The following VDAC1 variants were observed in gnomAD, a reference collection of about 807,000 sequenced individuals.
VDAC1 encodes the protein non-selective voltage-gated ion channel VDAC1.
A neutral mutation model predicts 34.7 loss-of-function variants in VDAC1; 10 were observed. The ratio of observed to expected loss-of-function variants is 0.29; its 90% confidence interval spans 0.18 to 0.49. The LOEUF (loss-of-function observed/expected upper bound fraction) is 0.49, where lower values mean the gene tolerates loss of function less well. Ranked by LOEUF, VDAC1 falls within the 20% of genes least tolerant of loss-of-function variation. VDAC1 has a pLI of 0.99. For synonymous variants in VDAC1, 130 were observed against 136.0 expected (o/e 0.96, Z 0.30); for missense variants, 230 against 347.9 (o/e 0.66, Z 2.69).
At chr5:133,989,491 C>T (rs1011316886) in intron 5 of VDAC1, among the ~76,000 whole-genome samples, 2 of 151,856 alleles carry the variant, frequency 1.3e-5, no homozygotes, top group Non-Finnish European at 2.9e-5. Flanking sequence ...TCCCAAGTAT[C>T]TGGGACTACA....
chr5:134,024,576 C>G, the VDAC1 span, among the ~76,000 whole-genome samples: 1 of 149,190 alleles, frequency 6.7e-6, no homozygotes, highest in African/African-American at 2.5e-5. Flanking sequence ...CTCCCAACCA[C>G]TTCTCTCATC....
the VDAC1 span, among the ~76,000 whole-genome samples, chr5:134,040,445 C>G: frequency 6.6e-6 from 1 of 152,092 alleles, no homozygotes; most frequent in Non-Finnish European, 1.5e-5. Flanking sequence ...TGTGGTGGCA[C>G]GTGCCTGTAG....
Position 133,991,035 on chromosome 5 carries a change from A to G in VDAC1, c.237T>C (p.Asn79=), listed in dbSNP as rs770095935. Residue 79 remains asparagine, a synonymous_variant, in exon 4 of 9, where the codon AAT becomes AAC. Transcript: ENST00000265333. The part of the protein sequence containing the change: ...LTFTEKWNTD[N]TLGTEITVED... Reference sequence around the variant, plus strand: ...CCACAGTAATCTCGGTGCCTAGTGTATTGTCGGTATTCCATTTCTCTGTAA... The same window carrying G: ...CCACAGTAATCTCGGTGCCTAGTGTGTTGTCGGTATTCCATTTCTCTGTAA... 3.7e-6 allele frequency: 6 copies of G among 1,614,168 alleles called. No individual in the cohort carries two copies. The South Asian group carries it at 6.6e-5, about 18-fold the overall frequency.
the VDAC1 span, among the ~76,000 whole-genome samples, chr5:134,040,527 A>G: frequency 1.3e-5 from 2 of 151,750 alleles, no homozygotes; most frequent in Non-Finnish European, 2.9e-5. Context: ...GTGAGCCGAG[A>G]CCACGCCATT....
At chr5:134,021,557 TAA>T in the VDAC1 span, among the ~76,000 whole-genome samples, 10 of 142,374 alleles carry the variant, frequency 7.0e-5, no homozygotes, top group Admixed American at 2.1e-4. Flanking sequence ...GACCTTGTCT[TAA>T]AAAAAAAAAA....
the VDAC1 span, among the ~76,000 whole-genome samples, chr5:134,065,699 T>C: frequency 1.3e-5 from 2 of 152,056 alleles, no homozygotes; most frequent in Non-Finnish European, 2.9e-5. Context: ...GTCAGTATGA[T>C]AGCTATTCTT....
chr5:134,086,055 G>A, the VDAC1 span, among the ~76,000 whole-genome samples: 12 of 152,162 alleles, frequency 7.9e-5, no homozygotes, highest in Admixed American at 4.6e-4. Context: ...ATGTAGCCGG[G>A]TGTGATGGCG....
intron 3 of VDAC1, 31 bp downstream of exon 3, chr5:133,992,275 A>T: frequency 7.2e-7 from 1 of 1,395,928 alleles, no homozygotes; most frequent in Non-Finnish European, 9.4e-7. Flanking sequence ...ATAAATAAAT[A>T]CTCATGTTCC....
chr5:133,979,424 C>CTTTTTTTTTTTTTT (rs71581380), intron 6 of VDAC1, among the ~76,000 whole-genome samples: 9 of 80,992 alleles, frequency 1.1e-4, no homozygotes, highest in African/African-American at 1.5e-4. Context: ...ATTTTCTTTG[C>CTTTTTTTTTTTTTT]TTTTTTTTTT....
chr5:134,058,904 C>T, the VDAC1 span, among the ~76,000 whole-genome samples: 9 of 152,230 alleles, frequency 5.9e-5, no homozygotes, highest in Non-Finnish European at 1.2e-4. Flanking sequence ...TTGCCCTCTC[C>T]CCAGGAGCTG....
chr5:134,066,353 T>C, the VDAC1 span, among the ~76,000 whole-genome samples: 1 of 152,228 alleles, frequency 6.6e-6, no homozygotes, highest in Non-Finnish European at 1.5e-5. Context: ...TATTCAACTC[T>C]GGTAGTAAGG....
At chr5:134,084,829 T>C in the VDAC1 span, among the ~76,000 whole-genome samples, 1 of 152,242 alleles carries the variant, frequency 6.6e-6, no homozygotes, top group Non-Finnish European at 1.5e-5. Context: ...CTGTCACGCC[T>C]GGCAGAGACC....
Position 133,988,772 on chromosome 5 carries a change from CA to C in VDAC1, c.323+2082del, listed in dbSNP as rs35793271. On this transcript the variant is annotated intron_variant, in intron 5 of 8. Coordinates refer to ENST00000265333, the MANE Select transcript of VDAC1 (RefSeq NM_003374.3). ...GAGCAAGACTCCGTCCCCCTCAACC[CA>C]AAAAAAAAAAAAACCAAAAAACTTT... 1,159 of 128,130 alleles carry C rather than the reference CA, an allele frequency of 9.0e-3. 13 individuals carry two copies. The highest frequency in any genetic ancestry group is 0.025 in the African/African-American group (872 of 35,056). The allele number at this position is 128,130 out of a possible 1,614,324, so 7.9% of individuals were successfully genotyped here.
intron 3 of VDAC1, 79 bp downstream of exon 3, chr5:133,992,227 A>C: frequency 5.6e-6 from 6 of 1,075,370 alleles, no homozygotes; most frequent in Non-Finnish European, 4.8e-6. Context: ...CAAGAGCAAA[A>C]CTCCATCTCA....
At chr5:134,034,717 C>G in the VDAC1 span, among the ~76,000 whole-genome samples, 45 of 152,184 alleles carry the variant, frequency 3.0e-4, 1 homozygote, top group Admixed American at 2.6e-4. Flanking sequence ...AAGGTGCATG[C>G]TGGGACCGAG....
At chr5:134,072,269 C>CAG in the VDAC1 span, among the ~76,000 whole-genome samples, 1 of 152,048 alleles carries the variant, frequency 6.6e-6, no homozygotes, top group South Asian at 2.1e-4. Context: ...GTTACCCAAC[C>CAG]AGAGAGAGAG....
At chr5:133,992,100 G>A (rs2126976928) in intron 3 of VDAC1, among the ~76,000 whole-genome samples, 1 of 152,246 alleles carries the variant, frequency 6.6e-6, no homozygotes, top group South Asian at 2.1e-4. Flanking sequence ...GCCGAGCATG[G>A]TGGCGGGTGC....
At chr5:134,013,740 C>G in the VDAC1 span, among the ~76,000 whole-genome samples, 1 of 149,208 alleles carries the variant, frequency 6.7e-6, no homozygotes. Context: ...GTCAGGAGTT[C>G]AAGACCATCC....
the VDAC1 span, among the ~76,000 whole-genome samples, chr5:134,046,230 G>A: frequency 2.6e-5 from 4 of 151,640 alleles, no homozygotes; most frequent in Admixed American, 2.0e-4. Flanking sequence ...GGGTTTCATC[G>A]TGTTAGCCAG....
Sources: allele counts gnomAD v4.1 joint callset (sites outside exome capture counted in the v4.1 genomes callset), GRCh38; gene constraint gnomAD v4.1.1; transcripts MANE v1.5; gene names NCBI Gene and HGNC (gene_info 2026-07-23, HGNC 2026-07-21).